LYRM4: variants seen among roughly 807,000 people sequenced by gnomAD.
LYRM4 encodes the protein LYR motif containing 4, also known as LYR motif-containing protein 4.
Under a neutral mutation model 11.7 loss-of-function variants are expected in LYRM4, and 9 were observed. That is an observed-to-expected ratio of 0.77 (90% confidence interval 0.46 to 1.34). LYRM4 has a LOEUF of 1.34. Among genes scored for constraint, LYRM4 ranks in the 40% most tolerant of loss-of-function variants. The pLI, the probability that LYRM4 is intolerant of heterozygous loss-of-function variation, is 0.00. For missense variants in LYRM4, 133 were observed against 112.5 expected, an observed-to-expected ratio of 1.18 and a Z score of -0.82; for synonymous variants, 42 against 40.4, an observed-to-expected ratio of 1.04 and a Z score of -0.15.
intron 1 of LYRM4, among the ~76,000 whole-genome samples, chr6:5,246,872 G>C (rs1267097078): frequency 6.6e-6 from 1 of 152,152 alleles, no homozygotes; most frequent in Admixed American, 6.5e-5. Context: ...AGTAAACACA[G>C]AGGTGGCAAT....
chr6:5,131,620 A>C (rs1225845357), intron 2 of LYRM4, among the ~76,000 whole-genome samples: 1 of 152,228 alleles, frequency 6.6e-6, no homozygotes, highest in Non-Finnish European at 1.5e-5. Flanking sequence ...CATTCACAAA[A>C]ATTCATCAAG....
At chr6:5,221,181 C>T (rs545582508) in intron 1 of LYRM4, among the ~76,000 whole-genome samples, 1 of 152,302 alleles carries the variant, frequency 6.6e-6, no homozygotes, top group South Asian at 2.1e-4. Context: ...CTGCCCCTTA[C>T]ATGCTGTATT....
At chr6:5,132,353 T>C (rs1763995268) in intron 2 of LYRM4, among the ~76,000 whole-genome samples, 2 of 152,120 alleles carry the variant, frequency 1.3e-5, no homozygotes, top group Non-Finnish European at 1.5e-5. Context: ...AATTGGTAAA[T>C]GAATTATGGA....
At chr6:5,043,720 G>A in the LYRM4 span, among the ~76,000 whole-genome samples, 32 of 152,088 alleles carry the variant, frequency 2.1e-4, 1 homozygote, top group East Asian at 6.0e-3. Flanking sequence ...TCCCAGGGGC[G>A]CACTTTTCAA....
At chr6:5,112,155 C>T (rs445127) in intron 2 of LYRM4, among the ~76,000 whole-genome samples, 111,090 of 152,010 alleles carry the variant, frequency 0.73, 40,903 homozygotes, top group East Asian at 0.93. Flanking sequence ...CTGGGCGGCA[C>T]GCTCGCGAAG....
the LYRM4 span, among the ~76,000 whole-genome samples, chr6:5,095,665 C>T: frequency 6.6e-6 from 1 of 152,294 alleles, no homozygotes; most frequent in African/African-American, 2.4e-5. Flanking sequence ...CTTAACAAAC[C>T]TCACTGCTGA....
intron 2 of LYRM4, among the ~76,000 whole-genome samples, chr6:5,214,720 G>A (rs1295444915): frequency 6.6e-6 from 1 of 152,214 alleles, no homozygotes; most frequent in Non-Finnish European, 1.5e-5. Context: ...AGATGGCCGG[G>A]GGAGCCACTG....
At chr6:5,191,735 C>T (rs181058772) in intron 2 of LYRM4, among the ~76,000 whole-genome samples, 1 of 152,244 alleles carries the variant, frequency 6.6e-6, no homozygotes, top group Admixed American at 6.5e-5. Context: ...TGTTGGGGAA[C>T]AGATTTATTA....
At chr6:5,195,909 T>G (rs944751866) in intron 2 of LYRM4, among the ~76,000 whole-genome samples, 1 of 152,176 alleles carries the variant, frequency 6.6e-6, no homozygotes, top group African/African-American at 2.4e-5. Flanking sequence ...AATGATTTCT[T>G]AGAAAAAAAC....
At chr6:5,250,638 T>G (rs1222147425) in intron 1 of LYRM4, among the ~76,000 whole-genome samples, 1 of 152,208 alleles carries the variant, frequency 6.6e-6, no homozygotes, top group African/African-American at 2.4e-5. Context: ...TGTGGAGCAT[T>G]GTTGAAGAGG....
chr6:5,196,268 C>T (rs928140235), intron 2 of LYRM4, among the ~76,000 whole-genome samples: 1 of 152,224 alleles, frequency 6.6e-6, no homozygotes, highest in Admixed American at 6.5e-5. Flanking sequence ...TACAGGAGTG[C>T]AGGTCCTGGA....
chr6:5,079,553 T>C, the LYRM4 span, among the ~76,000 whole-genome samples: 6 of 152,266 alleles, frequency 3.9e-5, no homozygotes, highest in African/African-American at 7.2e-5. Flanking sequence ...TGAAACTTCA[T>C]AGGAAGCGTC....
At chr6:5,085,888 G>T in the LYRM4 span, 1 of 1,531,384 alleles carries the variant, frequency 6.5e-7, no homozygotes, top group Non-Finnish European at 8.7e-7. Flanking sequence ...GGTGCAGTTC[G>T]CGGACACGCT....
downstream of LYRM4, among the ~76,000 whole-genome samples, chr6:5,098,726 C>T (rs1200041730): frequency 2.0e-5 from 3 of 152,292 alleles, no homozygotes; most frequent in South Asian, 2.1e-4. Context: ...TTACATCACC[C>T]GAGGCACACA....
chr6:5,137,507 T>C (rs1757164623), intron 2 of LYRM4, among the ~76,000 whole-genome samples: 1 of 152,196 alleles, frequency 6.6e-6, no homozygotes, highest in African/African-American at 2.4e-5. Flanking sequence ...CTTACAAAGG[T>C]GTTCAGATTT....
At chr6:5,086,717 C>A in the LYRM4 span, 1 of 644,904 alleles carries the variant, frequency 1.6e-6, no homozygotes, top group Non-Finnish European at 2.6e-6. Flanking sequence ...GAACCGTCGA[C>A]TCGCACCCCC....
chr6:5,167,591 C>T (rs1180877311), intron 2 of LYRM4, among the ~76,000 whole-genome samples: 1 of 152,168 alleles, frequency 6.6e-6, no homozygotes, highest in African/African-American at 2.4e-5. Context: ...AACCCCTGTC[C>T]GATGAATGTT....
At chr6:5,096,637 C>T in the LYRM4 span, among the ~76,000 whole-genome samples, 1 of 152,194 alleles carries the variant, frequency 6.6e-6, no homozygotes, top group Non-Finnish European at 1.5e-5. Context: ...CAGCTCACCC[C>T]TGGCTAGCCA....
chr6:5,204,905 G>A (rs1761601825), intron 2 of LYRM4, among the ~76,000 whole-genome samples: 1 of 152,230 alleles, frequency 6.6e-6, no homozygotes, highest in African/African-American at 2.4e-5. Context: ...GTGGTGCACA[G>A]GGTAGGTGAA....
Sources: allele counts gnomAD v4.1 joint callset (sites outside exome capture counted in the v4.1 genomes callset), GRCh38; gene constraint gnomAD v4.1.1; transcripts MANE v1.5; gene names NCBI Gene and HGNC (gene_info 2026-07-23, HGNC 2026-07-21).